The following ATP5F1C variants were observed in gnomAD, a reference collection of about 807,000 sequenced individuals.
ATP5F1C encodes ATP synthase F(1) complex subunit gamma, mitochondrial.
ATP5F1C carries 22 observed loss-of-function variants against 37.4 expected under a neutral mutation model. That is an observed-to-expected ratio of 0.59 (90% CI 0.42 to 0.84). The LOEUF is 0.84. Ranked by LOEUF, ATP5F1C falls within the 40% of genes least tolerant of loss-of-function variation. The pLI, the probability that ATP5F1C is intolerant of heterozygous loss-of-function variation, is 0.00. For missense variants in ATP5F1C, 286 were observed against 362.4 expected (o/e 0.79, Z 1.71); for synonymous variants, 121 against 128.0 (o/e 0.95, Z 0.37).
intron 6 of ATP5F1C, among the ~76,000 whole-genome samples, chr10:7,801,181 A>G (rs1236831714): frequency 6.6e-6 from 1 of 151,560 alleles, no homozygotes; most frequent in Non-Finnish European, 1.5e-5. Context: ...TATACCATCT[A>G]TTTTCTAATA....
chr10:7,802,540 G>A (rs565329291), intron 7 of ATP5F1C, 115 bp downstream of exon 7: 768 of 1,281,312 alleles, frequency 6.0e-4, no homozygotes, highest in South Asian at 1.1e-3. Context: ...TGATATTCCT[G>A]TACCTGTAAG....
At chr10:7,799,336 G>T (rs1836306354) in intron 4 of ATP5F1C, 142 bp downstream of exon 4, 1 of 708,578 alleles carries the variant, frequency 1.4e-6, no homozygotes, top group South Asian at 2.0e-5. Flanking sequence ...TCACAAGGGG[G>T]TGTTTGTTTC....
Position 7,800,059 on chromosome 10 carries a change from C to T in ATP5F1C, c.605C>T (p.Pro202Leu). 1 of 1,613,860 alleles carries T rather than the reference C, an allele frequency of 6.2e-7. No individual in the cohort carries two copies. Among genetic ancestry groups the T allele is most frequent in the South Asian group, 1.1e-5 (1 of 91,068 alleles). Residue 202 changes from proline to leucine, a missense_variant, in exon 6 of 10, where the codon CCC (proline) becomes CTC (leucine). Transcript: ENST00000356708. ...ATCTCCTATAAGACAGAAGAAAAGC[C>T]CATCTTTTCCCTTAATACCGTTGCA... Reference protein sequence around the residue: ...SVISYKTEEKPIFSLNTVASA... With the variant: ...SVISYKTEEKLIFSLNTVASA...
chr10:7,804,126 A>G, intron 8 of ATP5F1C: 1 of 519,074 alleles, frequency 1.9e-6, no homozygotes, highest in Non-Finnish European at 3.8e-6. Flanking sequence ...GGAGCTAAGA[A>G]TGGGTTCTGC....
At chr10:7,807,459 A>G (rs1049870869) in intron 9 of ATP5F1C, among the ~76,000 whole-genome samples, 200 bp from the exon 10 acceptor site, 3 of 152,226 alleles carry the variant, frequency 2.0e-5, no homozygotes, top group Admixed American at 2.0e-4. Context: ...AAATAACATT[A>G]TCATGAAAAT....
At chr10:7,803,448 A>T (rs934858002) in intron 8 of ATP5F1C, among the ~76,000 whole-genome samples, 2 of 152,060 alleles carry the variant, frequency 1.3e-5, no homozygotes, top group Non-Finnish European at 2.9e-5. Flanking sequence ...ACTTTTAATC[A>T]TCTCTAGTTA....
intron 6 of ATP5F1C, 168 bp from the exon 7 acceptor site, chr10:7,802,102 C>T: frequency 1.5e-6 from 1 of 680,706 alleles, no homozygotes; most frequent in South Asian, 2.4e-5. Flanking sequence ...AATATGCTAT[C>T]ATCTGTAGTG....
At position 7,799,193 on chromosome 10, in the gene ATP5F1C, A is replaced by G. The variant is rs750444506; in HGVS notation, c.427A>G (p.Arg143Gly). Residue 143 changes from arginine (R) to glycine (G), a missense_variant and splice_region_variant, in exon 4 of 10, where the codon AGG (arginine) becomes GGG (glycine). Coordinates refer to ENST00000356708, the MANE Select transcript of ATP5F1C (RefSeq NM_001001973.3). The stretch of plus-strand genomic sequence containing the variant: ...TGACAAAATCAGAGGCATACTTTAT[A>G]GGTAATTTAAATATATATTGTTTAT... ...IGDKIRGILY[R>G]THSDQFLVAF... is the part of the protein sequence containing the mutation. 1 of 1,612,264 alleles carries G rather than the reference A, an allele frequency of 6.2e-7. No homozygotes were observed.
At chr10:7,802,681 A>C in intron 7 of ATP5F1C, 77 bp from the exon 8 acceptor site, 1 of 1,453,170 alleles carries the variant, frequency 6.9e-7, no homozygotes, top group Non-Finnish European at 9.4e-7. Context: ...CTTTTAAATT[A>C]AGCAACAGAA....
At chr10:7,797,932 T>G (rs138763149) in intron 3 of ATP5F1C, among the ~76,000 whole-genome samples, 2,662 of 152,256 alleles carry the variant, frequency 0.017, 29 homozygotes, top group Non-Finnish European at 0.029. Context: ...GCTTTTATAC[T>G]TGTTTGATTA....
chr10:7,791,792 A>T (rs1248176808), intron 1 of ATP5F1C, among the ~76,000 whole-genome samples: 2 of 152,270 alleles, frequency 1.3e-5, no homozygotes, highest in Non-Finnish European at 2.9e-5. Context: ...TTAAAGTAGT[A>T]ACATAGACGT....
chr10:7,802,690 A>C, intron 7 of ATP5F1C, 68 bp from the exon 8 acceptor site: 2 of 1,487,686 alleles, frequency 1.3e-6, no homozygotes, highest in Admixed American at 2.1e-5. Context: ...TAAGCAACAG[A>C]AGTTAGTTAA....
intron 1 of ATP5F1C, among the ~76,000 whole-genome samples, chr10:7,795,690 G>A (rs1836226324): frequency 6.6e-6 from 1 of 152,184 alleles, no homozygotes; most frequent in African/African-American, 2.4e-5. Context: ...GTGTAGTCAT[G>A]TTCGACTATA....
intron 6 of ATP5F1C, among the ~76,000 whole-genome samples, chr10:7,800,583 C>T (rs1003994930): frequency 2.6e-5 from 4 of 151,728 alleles, no homozygotes; most frequent in African/African-American, 9.7e-5. Context: ...CAACCTTCGC[C>T]TCCCGGGTTC....
intron 3 of ATP5F1C, 110 bp downstream of exon 3, chr10:7,797,288 G>T: frequency 9.4e-6 from 13 of 1,380,808 alleles, no homozygotes; most frequent in Non-Finnish European, 1.2e-5. Flanking sequence ...CTGAGCACTT[G>T]CCATGTACTT....
chr10:7,795,164 TA>T (rs146860693), intron 1 of ATP5F1C, among the ~76,000 whole-genome samples: 2,513 of 152,340 alleles, frequency 0.016, 69 homozygotes, highest in African/African-American at 0.058. Context: ...ATTAATTATT[TA>T]AAGTAACAAA....
chr10:7,800,173 T>C (rs1384866814), intron 6 of ATP5F1C, 82 bp downstream of exon 6: 6 of 1,349,478 alleles, frequency 4.4e-6, no homozygotes, highest in East Asian at 4.6e-5. Flanking sequence ...TGTCAAGATA[T>C]CTGGTGGTAG....
intron 1 of ATP5F1C, 39 bp downstream of exon 1, chr10:7,788,302 G>C (rs1451640933): frequency 6.2e-7 from 1 of 1,608,048 alleles, no homozygotes; most frequent in African/African-American, 1.3e-5. Flanking sequence ...GACCGCAAGG[G>C]ATGGAAGAGC....
At chr10:7,794,044 A>G (rs530500212) in intron 1 of ATP5F1C, among the ~76,000 whole-genome samples, 184 of 152,322 alleles carry the variant, frequency 1.2e-3, no homozygotes, top group African/African-American at 4.2e-3. Flanking sequence ...CAAAATAGAT[A>G]TCAACTAAAA....
Sources: gnomAD v4.1 joint callset for allele counts (sites outside exome capture counted in the v4.1 genomes callset) on GRCh38, gnomAD v4.1.1 for gene constraint, MANE v1.5 for transcripts, NCBI Gene and HGNC (gene_info 2026-07-23, HGNC 2026-07-21) for gene names.